The following CALN1 variants were observed in gnomAD, a reference collection of about 807,000 sequenced individuals.
CALN1 encodes the protein calneuron 1, also known as calcium-binding protein 8.
CALN1 carries 17 observed loss-of-function variants against 30.6 expected under a neutral mutation model. The observed-to-expected ratio is 0.56, with a 90% CI of 0.38 to 0.83. The LOEUF (loss-of-function observed/expected upper bound fraction) is 0.83, where lower values mean the gene tolerates loss of function less well. Among genes scored for constraint, CALN1 ranks in the 40% least tolerant of loss-of-function variants. The pLI, the probability that CALN1 is intolerant of heterozygous loss-of-function variation, is 0.00. For missense variants in CALN1, 291 were observed against 354.9 expected (o/e 0.82, Z 1.45); for synonymous variants, 156 against 131.4 (o/e 1.19, Z -1.28).
At chr7:72,438,062 C>G (rs1199276498) in intron 1 of CALN1, among the ~76,000 whole-genome samples, 1 of 152,004 alleles carries the variant, frequency 6.6e-6, no homozygotes, top group East Asian at 1.9e-4. Flanking sequence ...GCAGCCTTCA[C>G]TCCTAAGCTC....
chr7:72,406,616 T>C (rs928260897), intron 1 of CALN1, among the ~76,000 whole-genome samples: 1 of 52,320 alleles, frequency 1.9e-5, no homozygotes, highest in South Asian at 5.6e-4. Context: ...CCTTGTCAGC[T>C]TTTTTTTTTT....
At chr7:72,419,395 T>C (rs1784187906) in intron 1 of CALN1, among the ~76,000 whole-genome samples, 1 of 152,166 alleles carries the variant, frequency 6.6e-6, no homozygotes, top group Admixed American at 6.5e-5. Context: ...CCATGGAATC[T>C]TGGGGCAGGG....
At chr7:72,004,094 G>A (rs555967271) in intron 5 of CALN1, among the ~76,000 whole-genome samples, 30 of 152,132 alleles carry the variant, frequency 2.0e-4, no homozygotes, top group Non-Finnish European at 3.7e-4. Context: ...TGACAGGAAA[G>A]AATAAAGTAC....
the CALN1 span, among the ~76,000 whole-genome samples, chr7:72,462,450 G>C: frequency 6.6e-6 from 1 of 152,116 alleles, no homozygotes; most frequent in South Asian, 2.1e-4. Context: ...CTCCCAAACT[G>C]CTAGAATCAC....
chr7:72,359,210 G>A (rs1415810811), intron 2 of CALN1, among the ~76,000 whole-genome samples: 1 of 152,068 alleles, frequency 6.6e-6, no homozygotes, highest in African/African-American at 2.4e-5. Flanking sequence ...TTAGAAGCCA[G>A]ACCATGTCAG....
chr7:72,174,796 G>A (rs1391685310), intron 3 of CALN1, among the ~76,000 whole-genome samples: 1 of 152,196 alleles, frequency 6.6e-6, no homozygotes, highest in Non-Finnish European at 1.5e-5. Flanking sequence ...GAATTTTGGG[G>A]TGTGATGGAA....
At chr7:72,027,242 G>C (rs1405091816) in intron 4 of CALN1, among the ~76,000 whole-genome samples, 2 of 152,024 alleles carry the variant, frequency 1.3e-5, no homozygotes, top group East Asian at 3.9e-4. Context: ...AGAAGAGGAA[G>C]GTTAAGAAGC....
In CALN1 at chr7:72,336,237, C is replaced by G. The variant is rs191866318; in HGVS notation, c.120-57427G>C. 1.2e-3 allele frequency among the ~76,000 whole-genome samples: 178 copies of G among 152,216 alleles called. 1 individual carries two copies. The highest frequency in any genetic ancestry group is 4.1e-3 in the African/African-American group (169 of 41,556). On this transcript the variant is annotated intron_variant, in intron 2 of 6. Transcript: ENST00000395275. ...CCCGATCGCCATGACTCCGGCTTCG[C>G]GAAGAGACCTGGTTGCCGCCGGGCG...
intron 5 of CALN1, among the ~76,000 whole-genome samples, chr7:71,823,766 G>GA (rs1266656268): frequency 6.6e-6 from 1 of 151,694 alleles, no homozygotes; most frequent in African/African-American, 2.4e-5. Context: ...AAAAGAGAAA[G>GA]AAAAGAAAAG....
intron 2 of CALN1, among the ~76,000 whole-genome samples, chr7:72,300,199 A>T (rs1406864448): frequency 6.6e-6 from 1 of 152,106 alleles, no homozygotes; most frequent in Non-Finnish European, 1.5e-5. Context: ...GTTGTTTTTA[A>T]CATACTGGTG....
chr7:71,857,147 A>G (rs1023053679), intron 5 of CALN1, among the ~76,000 whole-genome samples: 1 of 152,074 alleles, frequency 6.6e-6, no homozygotes, highest in Non-Finnish European at 1.5e-5. Flanking sequence ...TCAGAAATTC[A>G]AACAAAGATG....
At chr7:72,249,247 C>T (rs1166010889) in intron 3 of CALN1, among the ~76,000 whole-genome samples, 1 of 152,158 alleles carries the variant, frequency 6.6e-6, no homozygotes, top group African/African-American at 2.4e-5. Flanking sequence ...ACCCTCCACT[C>T]CAGTCGTGAG....
At chr7:71,948,057 A>C (rs1796496857) in intron 5 of CALN1, among the ~76,000 whole-genome samples, 1 of 152,058 alleles carries the variant, frequency 6.6e-6, no homozygotes, top group African/African-American at 2.4e-5. Flanking sequence ...GATTTTGTTC[A>C]GGTGATAATT....
At chr7:71,948,241 G>A (rs1017770679) in intron 5 of CALN1, among the ~76,000 whole-genome samples, 6 of 152,208 alleles carry the variant, frequency 3.9e-5, no homozygotes, top group African/African-American at 1.4e-4. Flanking sequence ...CTGAGTGGGG[G>A]GGAAGAGGAC....
intron 1 of CALN1, among the ~76,000 whole-genome samples, chr7:72,418,828 T>C (rs893980179): frequency 2.6e-5 from 4 of 151,998 alleles, no homozygotes; most frequent in Admixed American, 2.0e-4. Context: ...CTGAGCAACA[T>C]GGCGAGACCC....
intron 2 of CALN1, among the ~76,000 whole-genome samples, chr7:72,366,243 A>G (rs1380338518): frequency 4.0e-5 from 6 of 151,852 alleles, no homozygotes; most frequent in African/African-American, 1.5e-4. Flanking sequence ...GCGCCATCTC[A>G]GCTCAATGCA....
chr7:71,943,756 C>T (rs1255210232), intron 5 of CALN1, among the ~76,000 whole-genome samples: 1 of 151,976 alleles, frequency 6.6e-6, no homozygotes, highest in African/African-American at 2.4e-5. Context: ...CAATGTTTCT[C>T]ATAGTGCTGT....
At chr7:72,387,570 T>C (rs1805310752) in intron 2 of CALN1, among the ~76,000 whole-genome samples, 1 of 152,014 alleles carries the variant, frequency 6.6e-6, no homozygotes, top group Non-Finnish European at 1.5e-5. Flanking sequence ...GTGATGAAAA[T>C]GGCCCTTCCC....
the CALN1 span, among the ~76,000 whole-genome samples, chr7:72,455,923 A>G: frequency 6.6e-6 from 1 of 152,198 alleles, no homozygotes; most frequent in Non-Finnish European, 1.5e-5. Context: ...TGGTGAGTTC[A>G]CGCCTGTAAT....
Sources: allele counts gnomAD v4.1 joint callset (sites outside exome capture counted in the v4.1 genomes callset), GRCh38; gene constraint gnomAD v4.1.1; transcripts MANE v1.5; gene names NCBI Gene and HGNC (gene_info 2026-07-23, HGNC 2026-07-21).